The following TMEM117 variants were observed in gnomAD, a reference collection of about 807,000 sequenced individuals.
TMEM117 encodes the protein transmembrane protein 117.
In TMEM117, 27 loss-of-function variants were observed where a neutral mutation model predicts 52.4. The observed-to-expected ratio is 0.51, with a 90% CI of 0.38 to 0.71. TMEM117 has a LOEUF of 0.71. Among genes scored for constraint, TMEM117 ranks in the 30% least tolerant of loss-of-function variants. TMEM117 has a pLI of 0.00. For missense variants in TMEM117, 556 were observed against 630.5 expected (o/e 0.88, Z 1.26); for synonymous variants, 215 against 206.3 (o/e 1.04, Z -0.36).
intron 5 of TMEM117, among the ~76,000 whole-genome samples, chr12:44,295,446 C>G (rs1300147006): frequency 6.6e-6 from 1 of 152,072 alleles, no homozygotes; most frequent in Non-Finnish European, 1.5e-5. Context: ...TGACCTCAAG[C>G]AATCCACCTG....
At chr12:43,826,485 C>CTA in the TMEM117 span, among the ~76,000 whole-genome samples, 9 of 152,188 alleles carry the variant, frequency 5.9e-5, no homozygotes, top group South Asian at 1.7e-3. Context: ...ACCCACCTAA[C>CTA]TATAGACTTC....
At chr12:44,219,683 A>AAT (rs1420473992) in intron 5 of TMEM117, among the ~76,000 whole-genome samples, 4 of 152,166 alleles carry the variant, frequency 2.6e-5, no homozygotes, top group African/African-American at 9.6e-5. Context: ...TGGCTATATT[A>AAT]AGCACAACAA....
intron 5 of TMEM117, among the ~76,000 whole-genome samples, chr12:44,261,737 T>G (rs1345780526): frequency 6.6e-6 from 1 of 152,172 alleles, no homozygotes; most frequent in Non-Finnish European, 1.5e-5. Context: ...AGTTTAGTGG[T>G]AAATTGAGAA....
At chr12:43,879,902 A>G (rs1319134383) in intron 2 of TMEM117, among the ~76,000 whole-genome samples, 1 of 152,208 alleles carries the variant, frequency 6.6e-6, no homozygotes, top group African/African-American at 2.4e-5. Flanking sequence ...GCAAGATTGA[A>G]AGTGATTCCA....
At chr12:43,814,071 G>T in the TMEM117 span, among the ~76,000 whole-genome samples, 1 of 152,072 alleles carries the variant, frequency 6.6e-6, no homozygotes, top group Non-Finnish European at 1.5e-5. Flanking sequence ...AGACCTTTCT[G>T]TTCTACAGCT....
intron 3 of TMEM117, 143 bp downstream of exon 3, chr12:43,944,485 T>G: frequency 1.3e-6 from 1 of 789,500 alleles, no homozygotes; most frequent in Non-Finnish European, 1.9e-6. Context: ...TGTATTTTTC[T>G]TACCTAAGAC....
chr12:44,220,593 C>T (rs1358648100), intron 5 of TMEM117, among the ~76,000 whole-genome samples: 2 of 151,960 alleles, frequency 1.3e-5, no homozygotes, highest in African/African-American at 4.8e-5. Flanking sequence ...ATAAGCACAC[C>T]CCCTACCCAG....
intron 3 of TMEM117, among the ~76,000 whole-genome samples, chr12:43,986,011 T>C (rs924255619): frequency 2.6e-5 from 4 of 152,186 alleles, no homozygotes; most frequent in Non-Finnish European, 5.9e-5. Context: ...ATTTTTTTGG[T>C]CACACATTTT....
the TMEM117 span, chr12:43,798,597 A>C: frequency 2.0e-6 from 3 of 1,521,284 alleles, no homozygotes; most frequent in East Asian, 7.4e-5. Flanking sequence ...TGATTGCAAG[A>C]AATAAAACAA....
intron 6 of TMEM117, among the ~76,000 whole-genome samples, chr12:44,370,820 C>A (rs887054614): frequency 2.0e-5 from 3 of 152,048 alleles, no homozygotes; most frequent in Non-Finnish European, 2.9e-5. Flanking sequence ...ATATCTTTAA[C>A]CTTCAGAGAG....
intron 4 of TMEM117, among the ~76,000 whole-genome samples, chr12:44,173,670 T>C (rs1042148776): frequency 3.9e-5 from 6 of 152,002 alleles, no homozygotes; most frequent in African/African-American, 1.5e-4. Flanking sequence ...TCTATCAGAT[T>C]TTCTGCATAA....
chr12:43,948,149 A>C (rs1265157147), intron 3 of TMEM117, among the ~76,000 whole-genome samples: 1 of 152,040 alleles, frequency 6.6e-6, no homozygotes, highest in Non-Finnish European at 1.5e-5. Context: ...AGTCAGATGG[A>C]GAGGGAAAGA....
At chr12:44,376,874 A>G in intron 7 of TMEM117, 150 bp downstream of exon 7, 1 of 796,296 alleles carries the variant, frequency 1.3e-6, no homozygotes, top group Non-Finnish European at 1.8e-6. Context: ...TTTTCAGATC[A>G]ACAAGGGGCT....
At chr12:44,107,153 C>T (rs115695652) in intron 3 of TMEM117, among the ~76,000 whole-genome samples, 1,529 of 152,054 alleles carry the variant, frequency 0.01, 10 homozygotes, top group African/African-American at 0.016. Context: ...CTCAAAATAA[C>T]CTTATATATA....
chr12:43,975,582 A>G (rs1945658719), intron 3 of TMEM117, among the ~76,000 whole-genome samples: 1 of 152,234 alleles, frequency 6.6e-6, no homozygotes, highest in African/African-American at 2.4e-5. Flanking sequence ...TTCTCGCTCC[A>G]GAGAACTGGC....
chr12:43,899,933 CAT>C (rs758147483), intron 2 of TMEM117, among the ~76,000 whole-genome samples: 1 of 152,148 alleles, frequency 6.6e-6, no homozygotes, highest in Non-Finnish European at 1.5e-5. Context: ...ATTTTATTCT[CAT>C]GTGTATTACT....
intron 6 of TMEM117, among the ~76,000 whole-genome samples, chr12:44,370,084 A>C (rs930430442): frequency 3.3e-5 from 5 of 152,154 alleles, no homozygotes; most frequent in Non-Finnish European, 7.4e-5. Context: ...CCCAACCTTT[A>C]AAATCACATG....
intron 4 of TMEM117, among the ~76,000 whole-genome samples, chr12:44,182,161 T>C (rs1469511221): frequency 1.3e-5 from 2 of 152,172 alleles, no homozygotes; most frequent in Non-Finnish European, 2.9e-5. Context: ...TGTTTGTCTG[T>C]TGTTGGTGTA....
chr12:44,221,549 G>A (rs17094304), intron 5 of TMEM117, among the ~76,000 whole-genome samples: 16,152 of 152,170 alleles, frequency 0.11, 953 homozygotes, highest in Middle Eastern at 0.2. Flanking sequence ...CCACCTAGCT[G>A]CTATAATGTG....
Sources: allele counts gnomAD v4.1 joint callset (sites outside exome capture counted in the v4.1 genomes callset), GRCh38; gene constraint gnomAD v4.1.1; transcripts MANE v1.5; gene names NCBI Gene and HGNC (gene_info 2026-07-23, HGNC 2026-07-21).